The following LARGE1 variants were observed in gnomAD, a reference collection of about 807,000 sequenced individuals.
LARGE1 encodes the protein xylosyl- and glucuronyltransferase LARGE1.
In LARGE1, 43 loss-of-function variants were observed where a neutral mutation model predicts 87.6. The ratio of observed to expected loss-of-function variants is 0.49; its 90% CI spans 0.38 to 0.63. The LOEUF is 0.63. LARGE1 is among the 30% of genes least tolerant of loss of function. The probability of loss-of-function intolerance (pLI) is 0.00; values close to 1 mark genes in which losing one functional copy is unlikely to be tolerated. For missense variants in LARGE1, 802 were observed against 1,000.2 expected (o/e 0.80, Z 2.67); for synonymous variants, 434 against 394.6 (o/e 1.10, Z -1.18).
At chr22:33,665,189 CA>C (rs2081233571) in intron 2 of LARGE1, among the ~76,000 whole-genome samples, 1 of 152,206 alleles carries the variant, frequency 6.6e-6, no homozygotes, top group African/African-American at 2.4e-5. Flanking sequence ...CCTGAGGCCA[CA>C]GTGTTTCTTT....
chr22:33,404,537 A>G (rs1460854384), intron 7 of LARGE1, among the ~76,000 whole-genome samples: 2 of 152,138 alleles, frequency 1.3e-5, no homozygotes, highest in Non-Finnish European at 2.9e-5. Flanking sequence ...CCCACAAACG[A>G]GCCTATCTAC....
At chr22:33,906,280 G>A (rs1195749210) in intron 1 of LARGE1, among the ~76,000 whole-genome samples, 1 of 152,220 alleles carries the variant, frequency 6.6e-6, no homozygotes, top group East Asian at 1.9e-4. Context: ...TGAGGCTGGA[G>A]ATGTGAAAAT....
At chr22:33,131,933 G>A in the LARGE1 span, among the ~76,000 whole-genome samples, 2 of 152,122 alleles carry the variant, frequency 1.3e-5, no homozygotes, top group South Asian at 2.1e-4. Context: ...AGAAGGCAAG[G>A]AGGAGAAAGT....
intron 1 of LARGE1, among the ~76,000 whole-genome samples, chr22:33,892,484 T>TA (rs1430803201): frequency 6.6e-6 from 1 of 152,188 alleles, no homozygotes; most frequent in Non-Finnish European, 1.5e-5. Flanking sequence ...TGGTGAAACT[T>TA]AAAGTCAAAA....
intron 2 of LARGE1, among the ~76,000 whole-genome samples, chr22:33,678,064 A>G (rs1272655266): frequency 6.6e-6 from 1 of 152,230 alleles, no homozygotes; most frequent in African/African-American, 2.4e-5. Flanking sequence ...ACCAACTGGA[A>G]TAAAAAACGC....
chr22:33,444,127 G>A (rs1601863592), intron 6 of LARGE1, among the ~76,000 whole-genome samples: 1 of 152,212 alleles, frequency 6.6e-6, no homozygotes, highest in South Asian at 2.1e-4. Flanking sequence ...TTCTGTGTAG[G>A]ATAAGGCCAA....
At chr22:33,801,380 T>C (rs5754679) in intron 1 of LARGE1, among the ~76,000 whole-genome samples, 137,597 of 152,246 alleles carry the variant, frequency 0.9, 62,278 homozygotes, top group East Asian at 0.97. Context: ...TCTGATATTG[T>C]CAGCAAATTT....
Position 33,899,364 on chromosome 22 carries a change from T to C in LARGE1, c.-83+20631A>G, listed in dbSNP as rs13433636. On this transcript the variant is annotated intron_variant, in intron 1 of 14. Coordinates refer to ENST00000397394, the MANE Select transcript of LARGE1 (RefSeq NM_133642.5). ...TCATCAAAGCCTGTTGAGCGGCCTCTTGGGAGTAGAATAGAGGATTCCTTC... is the reference window on the plus strand; with the variant it reads ...TCATCAAAGCCTGTTGAGCGGCCTCCTGGGAGTAGAATAGAGGATTCCTTC... 5.1e-3 allele frequency among the ~76,000 whole-genome samples: 781 copies of C among 152,324 alleles called. 10 individuals are homozygous for C. Among genetic ancestry groups the C allele is most frequent in the African/African-American group, 0.018 (753 of 41,562 alleles).
chr22:33,865,048 G>A (rs756938107), intron 1 of LARGE1, among the ~76,000 whole-genome samples: 3 of 152,176 alleles, frequency 2.0e-5, no homozygotes, highest in Non-Finnish European at 4.4e-5. Flanking sequence ...GACAGAACAC[G>A]TTTGGATGCA....
At chr22:33,387,721 A>T (rs2065378180) in intron 7 of LARGE1, among the ~76,000 whole-genome samples, 1 of 152,220 alleles carries the variant, frequency 6.6e-6, no homozygotes. Flanking sequence ...AAAACAGATG[A>T]CTAAATGCAG....
At chr22:33,294,395 T>C (rs890408359) in intron 12 of LARGE1, among the ~76,000 whole-genome samples, 3 of 152,154 alleles carry the variant, frequency 2.0e-5, no homozygotes, top group African/African-American at 7.2e-5. Flanking sequence ...ACCTGAGTCG[T>C]AAGAAATCCA....
chr22:33,463,488 T>G (rs958513601), intron 6 of LARGE1, among the ~76,000 whole-genome samples: 2 of 152,174 alleles, frequency 1.3e-5, no homozygotes, highest in African/African-American at 2.4e-5. Flanking sequence ...ATCAGGTTTA[T>G]AGATAGGAAG....
chr22:33,920,613 G>T (rs2065920079), upstream of LARGE1, among the ~76,000 whole-genome samples: 1 of 144,968 alleles, frequency 6.9e-6, no homozygotes, highest in Admixed American at 6.8e-5. Flanking sequence ...CCGGCCTGGG[G>T]CGCGGGGCCG....
chr22:33,647,510 T>C (rs998700387), intron 3 of LARGE1, among the ~76,000 whole-genome samples: 1 of 152,194 alleles, frequency 6.6e-6, no homozygotes, highest in Non-Finnish European at 1.5e-5. Flanking sequence ...TGAGATGACC[T>C]TGGGAATGTC....
At chr22:33,607,461 CAAAAAA>C (rs1217376084) in intron 4 of LARGE1, among the ~76,000 whole-genome samples, 19 of 58,032 alleles carry the variant, frequency 3.3e-4, no homozygotes, top group African/African-American at 1.3e-3. Flanking sequence ...AACTGCATCT[CAAAAAA>C]AAAAAAAAAA....
intron 11 of LARGE1, among the ~76,000 whole-genome samples, chr22:33,265,882 T>G (rs770458921): frequency 6.6e-6 from 1 of 151,836 alleles, no homozygotes; most frequent in Non-Finnish European, 1.5e-5. Flanking sequence ...CGTTAGAAAA[T>G]GCAGAATCGC....
At chr22:33,129,454 G>A in the LARGE1 span, among the ~76,000 whole-genome samples, 1 of 152,122 alleles carries the variant, frequency 6.6e-6, no homozygotes, top group South Asian at 2.1e-4. Context: ...TTATACCAAG[G>A]TCAATCCCAC....
chr22:33,366,513 T>C (rs2064598287), intron 9 of LARGE1, among the ~76,000 whole-genome samples: 1 of 152,232 alleles, frequency 6.6e-6, no homozygotes, highest in African/African-American at 2.4e-5. Context: ...AAATCACTCT[T>C]GTCTTTCCTG....
intron 2 of LARGE1, among the ~76,000 whole-genome samples, chr22:33,676,372 C>CAAAAAAAAAAA (rs10567981): frequency 1.8e-4 from 3 of 16,308 alleles, no homozygotes; most frequent in Admixed American, 1.2e-3. Context: ...GATTCAATGG[C>CAAAAAAAAAAA]AAAAAAAAAA....
Sources: allele counts gnomAD v4.1 joint callset (sites outside exome capture counted in the v4.1 genomes callset), GRCh38; gene constraint gnomAD v4.1.1; transcripts MANE v1.5; gene names NCBI Gene and HGNC (gene_info 2026-07-23, HGNC 2026-07-21).